DNAH14: variants seen among roughly 807,000 people sequenced by gnomAD.
DNAH14 encodes the protein axonemal beta dynein heavy chain 14.
A neutral mutation model predicts 520.9 loss-of-function variants in DNAH14; 478 were observed. The ratio of observed to expected loss-of-function variants is 0.92; its 90% confidence interval spans 0.85 to 0.99. DNAH14 has a LOEUF of 0.99. Among genes scored for constraint, DNAH14 ranks in the 50% least tolerant of loss-of-function variants. The pLI, the probability that DNAH14 is intolerant of heterozygous loss-of-function variation, is 0.00. For missense variants in DNAH14, 4,831 were observed against 5,234.5 expected (o/e 0.92, Z 2.38); for synonymous variants, 1,581 against 1,757.2 (o/e 0.90, Z 2.51).
intron 10 of DNAH14, among the ~76,000 whole-genome samples, chr1:225,021,398 G>A (rs1169805863): frequency 6.6e-6 from 1 of 152,156 alleles, no homozygotes; most frequent in African/African-American, 2.4e-5. Context: ...AAACCTTATA[G>A]TTTCTGTCCA....
At chr1:225,135,890 A>T (rs755596562) in intron 27 of DNAH14, among the ~76,000 whole-genome samples, 6 of 150,988 alleles carry the variant, frequency 4.0e-5, no homozygotes, top group Non-Finnish European at 8.9e-5. Context: ...GTTGAATTGA[A>T]CCCCTCACCA....
intron 8 of DNAH14, among the ~76,000 whole-genome samples, chr1:225,001,858 A>C (rs1444117824): frequency 6.6e-6 from 1 of 152,122 alleles, no homozygotes; most frequent in African/African-American, 2.4e-5. Context: ...GATGTCATCA[A>C]ATTCTTCTAT....
chr1:225,340,303 A>C (rs1313763357), intron 68 of DNAH14, among the ~76,000 whole-genome samples, 154 bp from the exon 69 acceptor site: 1 of 152,228 alleles, frequency 6.6e-6, no homozygotes, highest in East Asian at 1.9e-4. Flanking sequence ...GTATTCATAT[A>C]ATATAAATTG....
In DNAH14 at chr1:225,089,442, C is replaced by T. The variant is rs1339970380; in HGVS notation, c.3573+3653C>T. Among the ~76,000 whole-genome samples the T allele has an allele frequency of 1.8e-3, 55 of 29,900 alleles. No homozygotes were observed. The East Asian group carries it at 0.023, about 13-fold the overall frequency. 19.6% of individuals were successfully genotyped at this position (29,900 alleles called of 152,430 possible). A position where few individuals can be genotyped will look rare whatever the true frequency, so the allele number is the denominator to read the frequency against. On this transcript the variant is annotated intron_variant, in intron 21 of 85. Transcript: ENST00000682510. ...CTGGGCAACAAGAGCAAAACTCCGTCAAAAAAAAAAAAAAAAAAAAAAAGA... is the reference window on the plus strand; with the variant it reads ...CTGGGCAACAAGAGCAAAACTCCGTTAAAAAAAAAAAAAAAAAAAAAAAGA...
chr1:225,101,864 G>A (rs904182311), intron 23 of DNAH14, among the ~76,000 whole-genome samples: 4 of 150,940 alleles, frequency 2.7e-5, no homozygotes, highest in African/African-American at 7.3e-5. Context: ...CTTTCTTTTG[G>A]GTATATACCT....
Position 225,300,989 on chromosome 1 carries a change from C to A in DNAH14, c.8590C>A (p.His2864Asn). The A allele has an allele frequency of 1.9e-6, 3 of 1,550,724 alleles. No homozygotes were observed. In the South Asian group the frequency reaches 3.6e-5, roughly 19 times the overall value. The part of the protein sequence containing the change: ...KIRYLTEQSG[H>N]MDNRQSLLSF... ...CAGATATCTTACTGAACAATCTGGT[C>A]ATATGGATAATAGGCAATCTTTACT... The change falls in exon 56 of 86, where the codon CAT becomes AAT. Residue 2864 changes from histidine to asparagine, a missense_variant. Coordinates refer to ENST00000682510, the MANE Select transcript of DNAH14 (RefSeq NM_001367479.1).
At chr1:225,021,946 A>G (rs940702142) in intron 10 of DNAH14, among the ~76,000 whole-genome samples, 14 of 152,184 alleles carry the variant, frequency 9.2e-5, no homozygotes, top group Admixed American at 5.2e-4. Context: ...GACCAATGGA[A>G]CAAAGTAGAG....
intron 17 of DNAH14, among the ~76,000 whole-genome samples, chr1:225,068,656 C>A (rs2071197764): frequency 6.6e-6 from 1 of 152,160 alleles, no homozygotes; most frequent in South Asian, 2.1e-4. Context: ...TTGTAGAGAT[C>A]TTTTACCTCC....
intron 36 of DNAH14, among the ~76,000 whole-genome samples, chr1:225,184,655 T>G (rs957698483): frequency 6.6e-6 from 1 of 151,758 alleles, no homozygotes; most frequent in Non-Finnish European, 1.5e-5. Flanking sequence ...CATATGATTG[T>G]CTCAGTAGAT....
At chr1:225,190,470 T>A (rs1261027109) in intron 37 of DNAH14, among the ~76,000 whole-genome samples, 2 of 152,000 alleles carry the variant, frequency 1.3e-5, no homozygotes, top group South Asian at 4.1e-4. Flanking sequence ...TACAAATTGT[T>A]TATTTCTAGA....
intron 17 of DNAH14, among the ~76,000 whole-genome samples, chr1:225,077,431 A>G (rs1424262353): frequency 6.6e-6 from 1 of 152,034 alleles, no homozygotes; most frequent in Non-Finnish European, 1.5e-5. Flanking sequence ...TTACCTTTTT[A>G]TATTCTCTTG....
intron 7 of DNAH14, among the ~76,000 whole-genome samples, chr1:224,972,061 G>C (rs1199093159): frequency 6.6e-6 from 1 of 152,104 alleles, no homozygotes; most frequent in African/African-American, 2.4e-5. Context: ...AATCCTCAGG[G>C]TCTGCTCTGC....
intron 10 of DNAH14, among the ~76,000 whole-genome samples, chr1:225,011,993 A>T (rs2064812438): frequency 6.6e-6 from 1 of 152,036 alleles, no homozygotes; most frequent in Non-Finnish European, 1.5e-5. Context: ...TCTTGTCATT[A>T]TGATGCTAGC....
intron 17 of DNAH14, among the ~76,000 whole-genome samples, chr1:225,058,236 A>G (rs1490640452): frequency 1.3e-5 from 2 of 152,066 alleles, no homozygotes; most frequent in East Asian, 1.9e-4. Context: ...CAGAGATTCA[A>G]CTTCTTCCTG....
chr1:225,082,377 T>C (rs1157720452), intron 19 of DNAH14, among the ~76,000 whole-genome samples, 172 bp from the exon 20 acceptor site: 1 of 152,158 alleles, frequency 6.6e-6, no homozygotes, highest in Non-Finnish European at 1.5e-5. Context: ...TTGATTCTCA[T>C]GGAAGGGTAA....
At chr1:225,269,855 A>T (rs1301776902) in intron 49 of DNAH14, among the ~76,000 whole-genome samples, 1 of 152,188 alleles carries the variant, frequency 6.6e-6, no homozygotes, top group Non-Finnish European at 1.5e-5. Flanking sequence ...ACAAATAGGA[A>T]CATTTTTACA....
At chr1:225,093,732 T>G (rs1429335703) in intron 21 of DNAH14, among the ~76,000 whole-genome samples, 1 of 152,018 alleles carries the variant, frequency 6.6e-6, no homozygotes, top group Non-Finnish European at 1.5e-5. Flanking sequence ...ACCTAGAAAA[T>G]GCCACAATTT....
At chr1:225,276,257 G>T (rs1386948464) in intron 53 of DNAH14, among the ~76,000 whole-genome samples, 176 bp downstream of exon 53, 2 of 151,992 alleles carry the variant, frequency 1.3e-5, no homozygotes, top group Admixed American at 6.6e-5. Context: ...AGGGGAAAAT[G>T]CTTACCTTCA....
intron 27 of DNAH14, among the ~76,000 whole-genome samples, chr1:225,128,188 G>T (rs1343213366): frequency 6.6e-6 from 1 of 151,924 alleles, no homozygotes; most frequent in Non-Finnish European, 1.5e-5. Flanking sequence ...TTGTGTCTTG[G>T]AGTTGCTTTT....
Sources: allele counts gnomAD v4.1 joint callset (sites outside exome capture counted in the v4.1 genomes callset), GRCh38; gene constraint gnomAD v4.1.1; transcripts MANE v1.5; gene names NCBI Gene and HGNC (gene_info 2026-07-23, HGNC 2026-07-21).